Variants in SLC39A10 observed in about 807,000 individuals in gnomAD.
The protein encoded by SLC39A10 is zinc transporter ZIP10.
Under a neutral mutation model 65.1 loss-of-function variants are expected in SLC39A10, and 13 were observed. That is an observed-to-expected ratio of 0.20 (90% CI 0.13 to 0.32). The LOEUF (loss-of-function observed/expected upper bound fraction) is 0.32. Ranked by LOEUF, SLC39A10 falls within the 10% of genes least tolerant of loss-of-function variation. SLC39A10 has a pLI of 1.00. For missense variants in SLC39A10, 831 were observed against 1,018.4 expected (o/e 0.82, Z 2.50); for synonymous variants, 321 against 342.2 (o/e 0.94, Z 0.68).
chr2:195,681,442 T>G, intron 2 of SLC39A10, among the ~76,000 whole-genome samples: 1 of 152,042 alleles, frequency 6.6e-6, no homozygotes, highest in East Asian at 1.9e-4. Flanking sequence ...GGAGAATCAC[T>G]TGAACCCGGG....
intron 3 of SLC39A10, among the ~76,000 whole-genome samples, chr2:195,705,088 G>A (rs182665260): frequency 1.3e-5 from 2 of 152,242 alleles, no homozygotes; most frequent in Non-Finnish European, 2.9e-5. Context: ...GAGCCACCAC[G>A]CCAGGCCGCA....
In SLC39A10 at chr2:195,735,808, T is replaced by TTTC; in HGVS notation, c.*769_*770insCTT. 1 of 147,408 alleles carries TTTC rather than the reference T, an allele frequency of 6.8e-6. No homozygotes were observed. The highest frequency in any genetic ancestry group is 3.6e-3 in the Middle Eastern group (1 of 274). 9.1% of individuals were successfully genotyped at this position (147,408 alleles called of 1,614,324 possible). ...TTTTTACTTTAATTTTGTTTTGATTTTTTTTTTTTTTTTTTGGCGGGGGTA... is the reference window on the plus strand; with the variant it reads ...TTTTTACTTTAATTTTGTTTTGATTTTTCTTTTTTTTTTTTTTTGGCGGGGGTA... On this transcript the variant is annotated 3_prime_UTR_variant, in exon 10 of 10. Coordinates refer to ENST00000359634, the MANE Select transcript of SLC39A10 (RefSeq NM_020342.3).
chr2:195,684,798 A>G (rs182567162), intron 3 of SLC39A10, among the ~76,000 whole-genome samples: 9 of 152,310 alleles, frequency 5.9e-5, no homozygotes, highest in African/African-American at 2.2e-4. Flanking sequence ...CTTGCAAGAC[A>G]TTCTTAGCAC....
intron 5 of SLC39A10, among the ~76,000 whole-genome samples, chr2:195,712,277 C>T (rs924893275): frequency 3.3e-5 from 5 of 152,178 alleles, no homozygotes; most frequent in African/African-American, 1.2e-4. Context: ...TTGGAAGTGG[C>T]ACAGCATCAC....
At chr2:195,651,830 C>T (rs1014178074), upstream of SLC39A10, among the ~76,000 whole-genome samples, 6 of 152,314 alleles carry the variant, frequency 3.9e-5, no homozygotes, top group African/African-American at 1.4e-4. Flanking sequence ...CACCCCACCA[C>T]ATTGGTACAG....
At chr2:195,715,525 CAAAAAAAAAAAAA>C (rs545656309) in intron 6 of SLC39A10, among the ~76,000 whole-genome samples, 1 of 61,596 alleles carries the variant, frequency 1.6e-5, no homozygotes, top group Non-Finnish European at 3.4e-5. Flanking sequence ...GACTCTGTCT[CAAAAAAAAAAAAA>C]AAAAAAAAAA....
chr2:195,630,608 C>T (rs1688566478), intron 2 of SLC39A10, among the ~76,000 whole-genome samples: 2 of 152,130 alleles, frequency 1.3e-5, no homozygotes, highest in African/African-American at 4.8e-5. Context: ...CCAGAGAGGC[C>T]TAACACACCC....
At chr2:195,672,627 T>C (rs1450696494) in intron 1 of SLC39A10, among the ~76,000 whole-genome samples, 1 of 152,210 alleles carries the variant, frequency 6.6e-6, no homozygotes, top group Non-Finnish European at 1.5e-5. Flanking sequence ...ATCTTTTCCA[T>C]AATAGAGTAT....
intron 2 of SLC39A10, among the ~76,000 whole-genome samples, chr2:195,647,838 A>G (rs2105710737): frequency 6.6e-6 from 1 of 152,272 alleles, no homozygotes; most frequent in East Asian, 1.9e-4. Context: ...AAGCAACCCT[A>G]TTAACTGAGA....
intron 3 of SLC39A10, among the ~76,000 whole-genome samples, chr2:195,695,832 G>T (rs950973393): frequency 2.3e-4 from 35 of 152,228 alleles, no homozygotes; most frequent in African/African-American, 8.4e-4. Context: ...TGTGCCTTTG[G>T]TTTCATTTTT....
chr2:195,617,476 T>C (rs9711771), intron 2 of SLC39A10, among the ~76,000 whole-genome samples: 152,002 of 152,052 alleles, frequency 1, 75,976 homozygotes, highest in Middle Eastern at 1. Context: ...GCAGAAGAAT[T>C]GCTTGAACCT....
intron 1 of SLC39A10, 29 bp from the exon 2 acceptor site, chr2:195,680,003 T>A (rs180829378): frequency 6.5e-7 from 1 of 1,529,312 alleles, no homozygotes; most frequent in African/African-American, 1.4e-5. Context: ...TAGAAACTAA[T>A]ACTTGTCTCT....
At chr2:195,625,388 G>A (rs960044039) in intron 2 of SLC39A10, among the ~76,000 whole-genome samples, 4 of 151,014 alleles carry the variant, frequency 2.6e-5, no homozygotes, top group African/African-American at 9.7e-5. Flanking sequence ...CGATTCTCCT[G>A]CCTCAGTCTC....
chr2:195,715,661 A>G (rs912913968), intron 6 of SLC39A10, among the ~76,000 whole-genome samples: 4 of 152,178 alleles, frequency 2.6e-5, no homozygotes, highest in Non-Finnish European at 5.9e-5. Flanking sequence ...CTAATGTGAC[A>G]CTTGACATGT....
intron 3 of SLC39A10, among the ~76,000 whole-genome samples, chr2:195,704,639 T>TG (rs1241503287): frequency 1.3e-5 from 2 of 152,198 alleles, no homozygotes; most frequent in Non-Finnish European, 2.9e-5. Context: ...ACTAGCCTGG[T>TG]GATCATCATT....
intron 3 of SLC39A10, among the ~76,000 whole-genome samples, chr2:195,684,879 A>C (rs1451044403): frequency 6.6e-6 from 1 of 152,204 alleles, no homozygotes; most frequent in Non-Finnish European, 1.5e-5. Flanking sequence ...AGTGATAGCT[A>C]ACATTTTGTT....
At chr2:195,649,593 A>T (rs979608746) in intron 2 of SLC39A10, among the ~76,000 whole-genome samples, 1 of 152,196 alleles carries the variant, frequency 6.6e-6, no homozygotes, top group African/African-American at 2.4e-5. Context: ...GAGCCTTTTT[A>T]AAAAAATTTA....
At chr2:195,636,937 A>G (rs946883840) in intron 2 of SLC39A10, among the ~76,000 whole-genome samples, 5 of 152,056 alleles carry the variant, frequency 3.3e-5, no homozygotes, top group Non-Finnish European at 5.9e-5. Flanking sequence ...TTTGAGAACC[A>G]TTTGGTTTAG....
chr2:195,664,301 TAAA>T (rs893807713), intron 1 of SLC39A10, among the ~76,000 whole-genome samples: 5 of 152,094 alleles, frequency 3.3e-5, no homozygotes, highest in Non-Finnish European at 7.4e-5. Flanking sequence ...TTCTTTTTCC[TAAA>T]AAAGAAATAG....
Sources: allele counts gnomAD v4.1 joint callset (sites outside exome capture counted in the v4.1 genomes callset), GRCh38; gene constraint gnomAD v4.1.1; transcripts MANE v1.5; gene names NCBI Gene and HGNC (gene_info 2026-07-23, HGNC 2026-07-21).